DLGAP2: variants seen among roughly 807,000 people sequenced by gnomAD.
DLGAP2 encodes disks large-associated protein 2.
A neutral mutation model predicts 100.3 loss-of-function variants in DLGAP2; 26 were observed. The ratio of observed to expected loss-of-function variants is 0.26; its 90% confidence interval spans 0.19 to 0.36. DLGAP2 has a LOEUF of 0.36. Among genes scored for constraint, DLGAP2 ranks in the 10% least tolerant of loss-of-function variants. The probability of loss-of-function intolerance (pLI) is 1.00; values close to 1 mark genes in which losing one functional copy is unlikely to be tolerated. For synonymous variants in DLGAP2, 886 were observed against 630.1 expected (o/e 1.41, Z -6.08); for missense variants, 1,858 against 1,453.2 (o/e 1.28, Z -4.53).
chr8:1,112,237 ATTT>A, intron 2 of DLGAP2, among the ~76,000 whole-genome samples: 1 of 98,034 alleles, frequency 1.0e-5, no homozygotes, highest in African/African-American at 4.0e-5. Flanking sequence ...TCCTTTGCCC[ATTT>A]TTTTTTTTTT....
At chr8:1,698,702 CACAT>C (rs2130889006) in intron 14 of DLGAP2, among the ~76,000 whole-genome samples, 1 of 149,850 alleles carries the variant, frequency 6.7e-6, no homozygotes, top group Non-Finnish European at 1.5e-5. Flanking sequence ...TAGGCAGGTC[CACAT>C]AAGCCATGCA....
chr8:1,101,130 C>T (rs2129043700), intron 2 of DLGAP2, among the ~76,000 whole-genome samples: 1 of 152,324 alleles, frequency 6.6e-6, no homozygotes, highest in South Asian at 2.1e-4. Context: ...CAATTTGAAT[C>T]TGCACTGATG....
At chr8:938,084 T>A (rs1426982219) in intron 2 of DLGAP2, among the ~76,000 whole-genome samples, 1 of 152,122 alleles carries the variant, frequency 6.6e-6, no homozygotes, top group Non-Finnish European at 1.5e-5. Flanking sequence ...AGAGGAGGGG[T>A]GCTGCGCTTC....
chr8:1,136,455 C>T (rs1796415116), intron 2 of DLGAP2, among the ~76,000 whole-genome samples: 1 of 152,160 alleles, frequency 6.6e-6, no homozygotes, highest in African/African-American at 2.4e-5. Flanking sequence ...CCCATACAGG[C>T]CGGGGTGGAT....
rs953409502 is a variant in DLGAP2, at chr8:1,594,184, A to G, written c.1442+28290A>G. On this transcript the variant is annotated intron_variant, in intron 6 of 14. Transcript: ENST00000637795. ...AAGACAAGGTCATGAAGACTGAGAA[A>G]GGCACCAGTGCGGAAAGTCAAGGAA... Among the ~76,000 whole-genome samples the G allele has an allele frequency of 7.2e-5, 11 of 152,214 alleles. 1 individual carries two copies. The highest frequency in any genetic ancestry group is 2.4e-4 in the African/African-American group (10 of 41,458).
chr8:1,210,164 G>A (rs914796958), intron 2 of DLGAP2, among the ~76,000 whole-genome samples: 6 of 152,156 alleles, frequency 3.9e-5, no homozygotes, highest in African/African-American at 1.4e-4. Flanking sequence ...CCAGGTTCCA[G>A]GCCAGGCTCT....
chr8:1,003,993 T>C (rs1432045588), intron 2 of DLGAP2, among the ~76,000 whole-genome samples: 1 of 152,226 alleles, frequency 6.6e-6, no homozygotes, highest in Non-Finnish European at 1.5e-5. Context: ...ATTTCAATTC[T>C]TTTTTACCAT....
intron 12 of DLGAP2, among the ~76,000 whole-genome samples, chr8:1,683,860 G>A (rs771309058): frequency 0.18 from 6,348 of 35,056 alleles, 405 homozygotes; most frequent in East Asian, 0.34. Flanking sequence ...ATATATATGT[G>A]TGTGTGTGTG....
rs1044268208 is a variant in DLGAP2 at position 1,549,743 on chromosome 8, T to C, written c.1230+60T>C. The C allele has an allele frequency of 3.0e-5, 43 of 1,444,136 alleles. No individual in the cohort carries two copies. The East Asian group carries it at 7.5e-4, about 25-fold the overall frequency. 89.5% of individuals were successfully genotyped at this position (1,444,136 alleles called of 1,614,324 possible). ...GGCACAGCAGGTGGTATTGTCGTTA[T>C]TCCTTTTTTAATTGACAGATAACAA... On this transcript the variant is annotated intron_variant, in intron 5 of 14. Coordinates refer to ENST00000637795, the MANE Select transcript of DLGAP2 (RefSeq NM_001346810.2).
At chr8:1,361,499 G>T (rs935438943) in intron 3 of DLGAP2, among the ~76,000 whole-genome samples, 1 of 152,154 alleles carries the variant, frequency 6.6e-6, no homozygotes, top group Non-Finnish European at 1.5e-5. Context: ...GGCTCTGTAG[G>T]TAGCCGTCTG....
intron 1 of DLGAP2, among the ~76,000 whole-genome samples, chr8:870,662 T>C (rs1334120286): frequency 6.6e-6 from 1 of 152,114 alleles, no homozygotes; most frequent in African/African-American, 2.4e-5. Flanking sequence ...TCCAGACTAT[T>C]ATCCAGCTTT....
intron 2 of DLGAP2, among the ~76,000 whole-genome samples, chr8:963,938 T>C (rs1314399940): frequency 1.3e-5 from 2 of 152,198 alleles, no homozygotes; most frequent in Non-Finnish European, 2.9e-5. Context: ...AAGAACTGAC[T>C]CTTTTTTTAT....
chr8:856,686 A>C (rs920568816), intron 1 of DLGAP2, among the ~76,000 whole-genome samples: 1 of 152,250 alleles, frequency 6.6e-6, no homozygotes, highest in Non-Finnish European at 1.5e-5. Context: ...CATAAGATCT[A>C]TATGAGGAAA....
At chr8:1,255,104 G>C (rs1181499774) in intron 2 of DLGAP2, among the ~76,000 whole-genome samples, 138 of 132,066 alleles carry the variant, frequency 1.0e-3, no homozygotes, top group African/African-American at 3.4e-3. Context: ...TCCTGCCTGG[G>C]TGCTGTGTGT....
At chr8:1,195,242 C>T (rs1356503132) in intron 2 of DLGAP2, among the ~76,000 whole-genome samples, 1 of 152,204 alleles carries the variant, frequency 6.6e-6, no homozygotes. Context: ...CCAGGACAGG[C>T]CTCCCAGTTC....
intron 3 of DLGAP2, among the ~76,000 whole-genome samples, chr8:1,370,959 G>C (rs1284402840): frequency 6.6e-6 from 1 of 152,220 alleles, no homozygotes; most frequent in Non-Finnish European, 1.5e-5. Context: ...CTGTATGTTA[G>C]GCGCCTAGAA....
At chr8:1,382,069 G>A (rs144093423) in intron 3 of DLGAP2, among the ~76,000 whole-genome samples, 412 of 152,102 alleles carry the variant, frequency 2.7e-3, no homozygotes, top group African/African-American at 9.2e-3. Flanking sequence ...TCAGAAATCC[G>A]CATATAACTT....
intron 2 of DLGAP2, among the ~76,000 whole-genome samples, chr8:1,243,698 G>C (rs376351040): frequency 6.6e-6 from 1 of 152,090 alleles, no homozygotes; most frequent in Non-Finnish European, 1.5e-5. Context: ...TGCCCATGCC[G>C]CTGCCTCAGT....
intron 2 of DLGAP2, among the ~76,000 whole-genome samples, chr8:1,004,382 T>C (rs1478696179): frequency 1.3e-5 from 2 of 152,244 alleles, no homozygotes; most frequent in Non-Finnish European, 2.9e-5. Flanking sequence ...ATTTTATTGC[T>C]TTAATTTGCA....
Sources: allele counts gnomAD v4.1 joint callset (sites outside exome capture counted in the v4.1 genomes callset), GRCh38; gene constraint gnomAD v4.1.1; transcripts MANE v1.5; gene names NCBI Gene and HGNC (gene_info 2026-07-23, HGNC 2026-07-21).